The following B9D1 variants were observed in gnomAD, a reference collection of about 807,000 sequenced individuals.
B9D1 encodes B9 domain-containing protein 1.
B9D1 carries 20 observed loss-of-function variants against 26.1 expected under a neutral mutation model. The ratio of observed to expected loss-of-function variants is 0.77; its 90% CI spans 0.54 to 1.12. The LOEUF (loss-of-function observed/expected upper bound fraction) is 1.12. Among genes scored for constraint, B9D1 ranks in the 50% most tolerant of loss-of-function variants. The probability of loss-of-function intolerance (pLI) is 0.00; values close to 1 mark genes in which losing one functional copy is unlikely to be tolerated. For missense variants in B9D1, 260 were observed against 273.7 expected, an observed-to-expected ratio of 0.95 and a Z score of 0.35; for synonymous variants, 105 against 103.1, an observed-to-expected ratio of 1.02 and a Z score of -0.11.
At chr17:19,360,282 C>A in intron 2 of B9D1, 38 bp downstream of exon 2, 1 of 1,601,900 alleles carries the variant, frequency 6.2e-7, no homozygotes, top group South Asian at 1.1e-5. Flanking sequence ...CCCCAAAAGT[C>A]ATGAAGGCGG....
At chr17:19,373,094 C>G (rs548710449) in intron 1 of B9D1, among the ~76,000 whole-genome samples, 2 of 152,130 alleles carry the variant, frequency 1.3e-5, no homozygotes, top group Non-Finnish European at 2.9e-5. Context: ...CCCTCCCCCA[C>G]GCTGAGCCTG....
In B9D1 at chr17:19,372,606, G is replaced by A. The variant is rs187466762; in HGVS notation, c.-298+5253C>T. Among the ~76,000 whole-genome samples, 16 of 152,210 alleles carry A rather than the reference G, an allele frequency of 1.1e-4. No individual in the cohort carries two copies. Among genetic ancestry groups the A allele is most frequent in the South Asian group, 4.2e-4 (2 of 4,818 alleles). On this transcript the variant is annotated intron_variant, in intron 1 of 5. Coordinates refer to the B9D1 transcript ENST00000477478. The surrounding 1 kb of genome is among the most constrained non-coding windows in gnomAD (Gnocchi z 4.4). The stretch of plus-strand genomic sequence containing the variant: ...GGCCCATTCTTAGCTCCCCAGGGCC[G>A]GCCCCCCATCTCGGTGCCTGTCACA...
chr17:19,340,067 G>A (rs757742189), downstream of B9D1, among the ~76,000 whole-genome samples: 6 of 125,876 alleles, frequency 4.8e-5, no homozygotes, highest in Non-Finnish European at 3.2e-5. Context: ...GGGCACTCGC[G>A]CCTTCAGCCT....
intron 3 of B9D1, chr17:19,357,634 C>G (rs1406068402): frequency 3.2e-6 from 2 of 619,712 alleles, no homozygotes; most frequent in Non-Finnish European, 5.9e-6. Flanking sequence ...AGCTGCACAG[C>G]CTGTAGCAGA....
At chr17:19,358,066 A>G in intron 2 of B9D1, 115 bp from the exon 3 acceptor site, 1 of 755,832 alleles carries the variant, frequency 1.3e-6, no homozygotes, top group East Asian at 2.6e-5. Context: ...GTCTTCTCCC[A>G]AGACACGAAC....
At chr17:19,373,359 G>A (rs34168386) in intron 1 of B9D1, among the ~76,000 whole-genome samples, 523 of 151,840 alleles carry the variant, frequency 3.4e-3, no homozygotes, top group Non-Finnish European at 4.4e-3. Context: ...ACTATCACAT[G>A]TCCTGCATTT....
downstream of B9D1, among the ~76,000 whole-genome samples, chr17:19,341,900 T>TG (rs1269903821): frequency 6.6e-6 from 1 of 152,062 alleles, no homozygotes; most frequent in Admixed American, 6.5e-5. Flanking sequence ...GAAAAGGGGC[T>TG]GGGCCAGGAG....
rs1222467442 is a variant in B9D1 at position 19,362,580 on chromosome 17, G to A, written c.-11C>T. 1.3e-6 allele frequency: 2 copies of A among 1,587,260 alleles called. No homozygotes were observed. Among genetic ancestry groups the A allele is most frequent in the Non-Finnish European group, 8.6e-7 (1 of 1,166,826 alleles). On this transcript the variant is annotated 5_prime_UTR_variant, in exon 1 of 7. Transcript: ENST00000261499. ...ACTCGCGGTCGCCATGGCAGGTCTG[G>A]GGGTGCCGGGGGGACCCACCTAGGC...
At chr17:19,335,633 G>A, downstream of B9D1, 1 of 529,752 alleles carries the variant, frequency 1.9e-6, no homozygotes, top group Non-Finnish European at 3.2e-6. Context: ...GGGGCTAAGG[G>A]ACCAGGGCTG....
At chr17:19,344,241 G>A (rs974590838) in intron 5 of B9D1, among the ~76,000 whole-genome samples, 2 of 152,184 alleles carry the variant, frequency 1.3e-5, no homozygotes, top group African/African-American at 2.4e-5. Flanking sequence ...AGGTGGGGGA[G>A]GGGAGGGGAC....
chr17:19,375,018 G>A (rs949999110), intron 1 of B9D1, among the ~76,000 whole-genome samples: 8 of 152,290 alleles, frequency 5.3e-5, no homozygotes, highest in African/African-American at 1.2e-4. Context: ...GGGCTGATGC[G>A]GTGGCTCATG....
chr17:19,337,846 C>A, downstream of B9D1: 1 of 663,712 alleles, frequency 1.5e-6, no homozygotes, highest in Non-Finnish European at 2.6e-6. Context: ...GAATTAGGCC[C>A]TCGGCCCCCA....
At chr17:19,337,544 G>A (rs781244228), downstream of B9D1, 2 of 596,910 alleles carry the variant, frequency 3.4e-6, no homozygotes, top group Non-Finnish European at 6.0e-6. Flanking sequence ...AGGAGGCTAG[G>A]GACTGGTGGC....
downstream of B9D1, among the ~76,000 whole-genome samples, chr17:19,337,018 G>C (rs1386613539): frequency 5.9e-5 from 9 of 152,220 alleles, no homozygotes. Context: ...CTTGTCACTG[G>C]TGGAGGCTGC....
intron 5 of B9D1, among the ~76,000 whole-genome samples, chr17:19,346,643 G>A (rs1328357454): frequency 6.6e-6 from 1 of 152,140 alleles, no homozygotes. Flanking sequence ...GGCATCCCCT[G>A]GGCCCTCCCT....
At chr17:19,349,889 G>A (rs1051234260) in intron 3 of B9D1, among the ~76,000 whole-genome samples, 1 of 152,144 alleles carries the variant, frequency 6.6e-6, no homozygotes, top group African/African-American at 2.4e-5. Flanking sequence ...ATATCCATCT[G>A]AAATTGACTT....
chr17:19,363,416 G>A (rs750602660), upstream of B9D1, among the ~76,000 whole-genome samples: 2 of 152,376 alleles, frequency 1.3e-5, no homozygotes, highest in Middle Eastern at 3.4e-3. Flanking sequence ...CTGTCACAGA[G>A]TAAGCACTTG....
rs377091272 is a variant in B9D1, at chr17:19,357,033, C to T, written c.244+807G>A. Reference sequence around the variant, plus strand: ...CCGTGGTAAGCCTAGGCCCAGGCCACGTGCAGTAGAAAGGCCTAGATTGTG... The same window carrying T: ...CCGTGGTAAGCCTAGGCCCAGGCCATGTGCAGTAGAAAGGCCTAGATTGTG... On this transcript the variant is annotated intron_variant, in intron 3 of 6. Coordinates refer to ENST00000261499, the MANE Select transcript of B9D1 (RefSeq NM_015681.6). 1.3e-3 allele frequency among the ~76,000 whole-genome samples: 201 copies of T among 152,330 alleles called. 1 individual carries two copies. The highest frequency in any genetic ancestry group is 6.8e-3 in the Middle Eastern group (2 of 294).
At chr17:19,360,704 T>A (rs1057034352) in intron 1 of B9D1, among the ~76,000 whole-genome samples, 3 of 152,182 alleles carry the variant, frequency 2.0e-5, no homozygotes, top group Admixed American at 6.5e-5. Flanking sequence ...TCAAGCTGGT[T>A]TAAGGTCTCC....
Sources: allele counts gnomAD v4.1 joint callset (sites outside exome capture counted in the v4.1 genomes callset), GRCh38; gene constraint gnomAD v4.1.1; non-coding constraint Gnocchi (gnomAD v3.1); transcripts MANE v1.5; gene names NCBI Gene and HGNC (gene_info 2026-07-23, HGNC 2026-07-21).